Variants in GPR180 observed in about 807,000 individuals in gnomAD.
The protein encoded by GPR180 is integral membrane protein GPR180.
Under a neutral mutation model 52.6 loss-of-function variants are expected in GPR180, and 53 were observed. That is an observed-to-expected ratio of 1.01 (90% CI 0.81 to 1.27). The LOEUF (loss-of-function observed/expected upper bound fraction) is 1.27. GPR180 is among the 50% of genes most tolerant of loss of function. The pLI, the probability that GPR180 is intolerant of heterozygous loss-of-function variation, is 0.00. For synonymous variants in GPR180, 200 were observed against 193.1 expected, an observed-to-expected ratio of 1.04 and a Z score of -0.30; for missense variants, 533 against 527.0, an observed-to-expected ratio of 1.01 and a Z score of -0.11.
chr13:94,626,777 A>G (rs998858076), intron 8 of GPR180, among the ~76,000 whole-genome samples: 1 of 152,100 alleles, frequency 6.6e-6, no homozygotes, highest in Non-Finnish European at 1.5e-5. Context: ...TTAGCAAGTT[A>G]TTCTTTTGTG....
chr13:94,602,150 GCCCCT>G, intron 1 of GPR180, 78 bp downstream of exon 1: 1 of 1,214,926 alleles, frequency 8.2e-7, no homozygotes, highest in South Asian at 3.0e-5. Flanking sequence ...GCTCCTCCCG[GCCCCT>G]CCCTGCCACG....
In GPR180 at chr13:94,627,363, T is replaced by A. The variant is rs575161981; in HGVS notation, c.*192T>A. 1 of 482,718 alleles carries A rather than the reference T, an allele frequency of 2.1e-6. No homozygotes were observed. Among genetic ancestry groups the A allele is most frequent in the Admixed American group, 4.2e-5 (1 of 23,720 alleles). 29.9% of individuals were successfully genotyped at this position (482,718 alleles called of 1,614,324 possible). On this transcript the variant is annotated 3_prime_UTR_variant, in exon 9 of 9. Coordinates refer to ENST00000376958, the MANE Select transcript of GPR180 (RefSeq NM_180989.6). ...GTAATAAATGAAATGTTTTGAAATA[T>A]ACTTAAACAACAAACTTTGAAGAAA...
chr13:94,628,674 ATCTC>A lies in GPR180; in HGVS notation c.*1507_*1510del, dbSNP rs1889957246. On this transcript the variant is annotated 3_prime_UTR_variant, in exon 9 of 9. Coordinates refer to ENST00000376958, the MANE Select transcript of GPR180 (RefSeq NM_180989.6). ...CCAAGTTCAACCTGCTCATTAAATC[ATCTC>A]TCTATTAGTTCTTTGTAAATCACTT... The A allele has an allele frequency of 3.9e-5, 6 of 152,178 alleles. No homozygotes were observed. The South Asian group carries it at 1.2e-3, about 32-fold the overall frequency. 9.4% of individuals were successfully genotyped at this position (152,178 alleles called of 1,614,324 possible).
At chr13:94,624,906 A>C (rs974084610) in intron 7 of GPR180, among the ~76,000 whole-genome samples, 1 of 151,296 alleles carries the variant, frequency 6.6e-6, no homozygotes, top group African/African-American at 2.4e-5. Context: ...ATTTCGGCTC[A>C]CTGCAACTTC....
intron 3 of GPR180, among the ~76,000 whole-genome samples, chr13:94,614,843 A>G (rs140294641): frequency 6.6e-6 from 1 of 152,264 alleles, no homozygotes; most frequent in African/African-American, 2.4e-5. Flanking sequence ...TTCATTAAGC[A>G]TGACATTCTA....
rs1313944484 is a variant in GPR180, at chr13:94,605,485, A to G, written c.240A>G (p.Leu80=). The part of the protein sequence containing the change: ...KLYLFQAQEW[L]KLQQSSHGYS... The stretch of plus-strand genomic sequence containing the variant: ...ACCTGTTCCAAGCCCAGGAATGGCT[A>G]AAGCTACAGCAAAGCAGTCATGGTT... The change falls in exon 2 of 9, where the codon CTA becomes CTG. Residue 80 remains leucine (L), a synonymous_variant. Coordinates refer to ENST00000376958, the MANE Select transcript of GPR180 (RefSeq NM_180989.6). 2 of 1,614,040 alleles carry G rather than the reference A, an allele frequency of 1.2e-6. No individual in the cohort carries two copies. The highest frequency in any genetic ancestry group is 1.7e-6 in the Non-Finnish European group (2 of 1,179,982).
chr13:94,626,010 TTCTG>T lies in GPR180; in HGVS notation c.1134_1137del (p.Val379PhefsTer13). 1 of 1,611,882 alleles carries T rather than the reference TTCTG, an allele frequency of 6.2e-7. No homozygotes were observed. The highest frequency in any genetic ancestry group is 1.3e-5 in the African/African-American group (1 of 74,962). ...TATGCCATCCAGTTCTTGCATGCAT[TTCTG>T]TCATTTTTAGCGACTACCAAAGAGA... On this transcript the variant is annotated frameshift_variant, in exon 8 of 9. Transcript: ENST00000376958. LOFTEE classifies it high-confidence loss of function.
chr13:94,621,299 C>T (rs1329591202), intron 6 of GPR180, 64 bp downstream of exon 6: 6 of 1,284,902 alleles, frequency 4.7e-6, no homozygotes, highest in Non-Finnish European at 6.2e-6. Context: ...GAGCATACCT[C>T]ATTTCAGAAT....
At chr13:94,623,035 T>TA in intron 6 of GPR180, 74 bp from the exon 7 acceptor site, 1 of 1,081,182 alleles carries the variant, frequency 9.2e-7, no homozygotes, top group South Asian at 1.5e-5. Flanking sequence ...GGGATGTTTA[T>TA]TAAAGAGTTG....
rs1187517892 is a variant in GPR180, at chr13:94,633,692, T to C, written c.*6521T>C. ...TTAATGGTGTCTTTTTCTTGTAGTT[T>C]TTTTAATGCAGGTGGAATTATCAGT... On this transcript the variant is annotated 3_prime_UTR_variant, in exon 9 of 9. Transcript: ENST00000376958. 1.3e-5 allele frequency: 2 copies of C among 152,210 alleles called. No individual in the cohort carries two copies. The highest frequency in any genetic ancestry group is 4.8e-5 in the African/African-American group (2 of 41,564). 9.4% of individuals were successfully genotyped at this position (152,210 alleles called of 1,614,324 possible).
intron 3 of GPR180, among the ~76,000 whole-genome samples, chr13:94,618,318 TC>T (rs1889803723): frequency 6.6e-6 from 1 of 152,158 alleles, no homozygotes; most frequent in Non-Finnish European, 1.5e-5. Flanking sequence ...AACTTAGCTT[TC>T]AGAATTGTTA....
intron 1 of GPR180, 81 bp downstream of exon 1, chr13:94,602,153 C>CCTCCCTGCCA: frequency 8.2e-7 from 1 of 1,214,762 alleles, no homozygotes; most frequent in Non-Finnish European, 1.0e-6. Flanking sequence ...CCTCCCGGCC[C>CCTCCCTGCCA]CTCCCTGCCA....
intron 8 of GPR180, 139 bp downstream of exon 8, chr13:94,626,182 C>A: frequency 2.0e-6 from 1 of 501,482 alleles, no homozygotes; most frequent in Non-Finnish European, 3.5e-6. Context: ...AATAGTAAAC[C>A]AATAAGCAGA....
chr13:94,626,172 A>T (rs1889926246), intron 8 of GPR180, 129 bp downstream of exon 8: 1 of 550,990 alleles, frequency 1.8e-6, no homozygotes, highest in Non-Finnish European at 3.1e-6. Context: ...TTTGAAACAA[A>T]ATAGTAAACC....
Position 94,605,504 on chromosome 13 carries a change from C to A in GPR180, c.259C>A (p.His87Asn). 6.2e-7 allele frequency: 1 copy of A among 1,614,078 alleles called. No individual in the cohort carries two copies. The highest frequency in any genetic ancestry group is 8.5e-7 in the Non-Finnish European group (1 of 1,179,974). Residue 87 changes from histidine to asparagine, a missense_variant, in exon 2 of 9, where the codon CAT becomes AAT. Coordinates refer to ENST00000376958, the MANE Select transcript of GPR180 (RefSeq NM_180989.6). ...ATGGCTAAAGCTACAGCAAAGCAGTCATGGTTATAGCTGTAGTGAAAAATT... is the reference window on the plus strand; with the variant it reads ...ATGGCTAAAGCTACAGCAAAGCAGTAATGGTTATAGCTGTAGTGAAAAATT... ...QEWLKLQQSSHGYSCSEKLSK... is the reference protein window; with the variant it reads ...QEWLKLQQSSNGYSCSEKLSK...
chr13:94,624,049 A>G (rs1889891099), intron 7 of GPR180, among the ~76,000 whole-genome samples: 1 of 152,196 alleles, frequency 6.6e-6, no homozygotes, highest in Admixed American at 6.5e-5. Context: ...GGCTGAGTCC[A>G]TGTGTTTCAG....
At chr13:94,609,881 G>C (rs2139565558) in intron 2 of GPR180, among the ~76,000 whole-genome samples, 1 of 152,012 alleles carries the variant, frequency 6.6e-6, no homozygotes, top group Non-Finnish European at 1.5e-5. Flanking sequence ...CAGTTGTACA[G>C]TCCAAGTCCT....
intron 2 of GPR180, among the ~76,000 whole-genome samples, chr13:94,610,974 G>C (rs1012126336): frequency 6.6e-6 from 1 of 152,206 alleles, no homozygotes; most frequent in Non-Finnish European, 1.5e-5. Flanking sequence ...CAACTACTCT[G>C]TGACAGTTAC....
At chr13:94,612,066 G>A in intron 2 of GPR180, 124 bp from the exon 3 acceptor site, 2 of 691,548 alleles carry the variant, frequency 2.9e-6, no homozygotes, top group Non-Finnish European at 5.0e-6. Flanking sequence ...TACTACACAA[G>A]GTCTTGGATT....
Sources: gnomAD v4.1 joint callset for allele counts (sites outside exome capture counted in the v4.1 genomes callset) on GRCh38, gnomAD v4.1.1 for gene constraint, MANE v1.5 for transcripts, NCBI Gene and HGNC (gene_info 2026-07-23, HGNC 2026-07-21) for gene names.